Variants in CAMK2G observed in about 807,000 individuals in gnomAD.
CAMK2G encodes calcium/calmodulin dependent protein kinase II gamma.
CAMK2G carries 23 observed loss-of-function variants against 88.7 expected under a neutral mutation model. The observed-to-expected ratio is 0.26, with a 90% confidence interval of 0.19 to 0.37. The LOEUF (loss-of-function observed/expected upper bound fraction) is 0.37, where lower values mean the gene tolerates loss of function less well. CAMK2G is among the 10% of genes least tolerant of loss of function. The probability of loss-of-function intolerance (pLI) is 1.00; values close to 1 mark genes in which losing one functional copy is unlikely to be tolerated. For synonymous variants in CAMK2G, 263 were observed against 294.8 expected (o/e 0.89, Z 1.11); for missense variants, 476 against 780.8 (o/e 0.61, Z 4.65).
At chr10:73,820,483 TATATATA>T (rs2087748916) in intron 18 of CAMK2G, among the ~76,000 whole-genome samples, 1 of 34,918 alleles carries the variant, frequency 2.9e-5, no homozygotes, top group Admixed American at 2.4e-4. Context: ...TATATATATA[TATATATA>T]TATTTTTTTT....
intron 2 of CAMK2G, 70 bp downstream of exon 2, chr10:73,872,919 G>A: frequency 2.1e-6 from 2 of 972,722 alleles, no homozygotes; most frequent in South Asian, 2.5e-5. Context: ...CCAATTCCTG[G>A]GGCTTCCTCA....
At chr10:73,821,752 T>C (rs2088878919) in intron 17 of CAMK2G, 22 bp from the exon 18 acceptor site, 1 of 1,600,086 alleles carries the variant, frequency 6.2e-7, no homozygotes, top group Non-Finnish European at 8.6e-7. Flanking sequence ...AAAGAACATG[T>C]TTCTATATGC....
chr10:73,834,449 C>T (rs1208835553), intron 14 of CAMK2G, among the ~76,000 whole-genome samples: 1 of 152,116 alleles, frequency 6.6e-6, no homozygotes, highest in African/African-American at 2.4e-5. Flanking sequence ...GGGCTAGGTT[C>T]CCCACGCACG....
chr10:73,859,922 A>G (rs1394298195), intron 3 of CAMK2G, among the ~76,000 whole-genome samples: 1 of 152,126 alleles, frequency 6.6e-6, no homozygotes, highest in Non-Finnish European at 1.5e-5. Flanking sequence ...CCAACAGAGC[A>G]GAGCAGGCGA....
At chr10:73,838,952 T>C (rs1239202123) in intron 13 of CAMK2G, among the ~76,000 whole-genome samples, 1 of 152,198 alleles carries the variant, frequency 6.6e-6, no homozygotes, top group Non-Finnish European at 1.5e-5. Flanking sequence ...AGGGTGATCT[T>C]AAGCACCACC....
chr10:73,817,881 G>A (rs970340053), intron 19 of CAMK2G: 2 of 364,090 alleles, frequency 5.5e-6, no homozygotes, highest in African/African-American at 4.0e-5. Context: ...TGAATGCTGT[G>A]AGCCCCTCCC....
At chr10:73,817,440 G>A (rs1216042752) in intron 20 of CAMK2G, 39 bp downstream of exon 20, 2 of 1,363,134 alleles carry the variant, frequency 1.5e-6, no homozygotes, top group South Asian at 1.2e-5. Flanking sequence ...GGCCTTGGGA[G>A]ATGACTTAGG....
intron 5 of CAMK2G, among the ~76,000 whole-genome samples, chr10:73,850,511 G>A (rs1319250546): frequency 6.6e-6 from 1 of 152,208 alleles, no homozygotes; most frequent in East Asian, 1.9e-4. Context: ...GCATTTGGTG[G>A]GCAGAGGCCA....
At chr10:73,870,799 A>T (rs1463376693) in intron 2 of CAMK2G, among the ~76,000 whole-genome samples, 1 of 152,196 alleles carries the variant, frequency 6.6e-6, no homozygotes, top group East Asian at 1.9e-4. Context: ...GTGTAAACTG[A>T]GAGTCTGCAG....
At chr10:73,873,250 G>A in intron 1 of CAMK2G, 167 bp from the exon 2 acceptor site, 3 of 1,070,228 alleles carry the variant, frequency 2.8e-6, no homozygotes, top group Non-Finnish European at 4.0e-6. Flanking sequence ...TGAGGCAAAA[G>A]GACGCGGCCA....
At position 73,842,626 on chromosome 10, in the gene CAMK2G, C is replaced by CAGGGTCA; in HGVS notation, c.820-92_820-86dup. 1.0e-6 allele frequency: 1 copy of CAGGGTCA among 960,426 alleles called. No individual in the cohort carries two copies. The allele number at this position is 960,426 out of a possible 1,614,324, so 59.5% of individuals were successfully genotyped here. ...CCTGGCACCGATACCATGCCCAGGA[C>CAGGGTCA]AGGGTCATGCACTCAGCCACCCCAG... On this transcript the variant is annotated intron_variant, in intron 10 of 22. Coordinates refer to ENST00000423381, the MANE Select transcript of CAMK2G (RefSeq NM_001367534.1). The surrounding 1 kb of genome is among the most constrained non-coding windows in gnomAD (Gnocchi z 4.6).
chr10:73,819,065 G>C (rs2086802456), intron 19 of CAMK2G, among the ~76,000 whole-genome samples: 2 of 152,194 alleles, frequency 1.3e-5, no homozygotes, highest in Non-Finnish European at 2.9e-5. Context: ...CTTGAAGGCA[G>C]TGTAGCTGGG....
Position 73,817,011 on chromosome 10 carries a change from G to C in CAMK2G, c.1534+12C>G, listed in dbSNP as rs754601754. The C allele has an allele frequency of 2.1e-5, 34 of 1,613,820 alleles. No individual in the cohort carries two copies. Among genetic ancestry groups the C allele is most frequent in the Admixed American group, 1.7e-5 (1 of 59,980 alleles). On this transcript the variant is annotated intron_variant, in intron 21 of 22. Coordinates refer to ENST00000423381, the MANE Select transcript of CAMK2G (RefSeq NM_001367534.1). ...GCAGGCAGGAGTATATCAGCAGCAC[G>C]AACCCACTCACGATTCTCAAAGTAA...
At chr10:73,865,476 G>A (rs1042600962) in intron 2 of CAMK2G, among the ~76,000 whole-genome samples, 1 of 152,192 alleles carries the variant, frequency 6.6e-6, no homozygotes, top group Admixed American at 6.5e-5. Context: ...CCACCACCCA[G>A]CCTCTCCAGC....
intron 1 of CAMK2G, 183 bp from the exon 2 acceptor site, chr10:73,873,266 G>A: frequency 8.6e-7 from 1 of 1,162,526 alleles, no homozygotes; most frequent in Non-Finnish European, 1.2e-6. Context: ...GGCCACCGCA[G>A]GACACTGAAC....
chr10:73,874,063 T>G (rs2095977761), intron 1 of CAMK2G, among the ~76,000 whole-genome samples: 2 of 107,074 alleles, frequency 1.9e-5, no homozygotes, highest in African/African-American at 3.7e-5. Flanking sequence ...GGGTGCGGAG[T>G]GAGCAACCGG....
At chr10:73,873,297 G>C in intron 1 of CAMK2G, 4 of 1,284,704 alleles carry the variant, frequency 3.1e-6, no homozygotes, top group South Asian at 1.6e-5. Context: ...GGCGTGCCGC[G>C]CTCCCACCCC....
intron 14 of CAMK2G, among the ~76,000 whole-genome samples, chr10:73,829,700 G>GGTGTGTGTGTGTGTGTGTGTGTGTGTGT (rs60725888): frequency 4.3e-4 from 60 of 138,416 alleles, no homozygotes; most frequent in African/African-American, 1.6e-3. Flanking sequence ...TAAGTAGTGG[G>GGTGTGTGTGTGTGTGTGTGTGTGTGTGT]GTGTGTGTGT....
intron 14 of CAMK2G, among the ~76,000 whole-genome samples, chr10:73,833,600 C>CT (rs60516273): frequency 0.8 from 114,734 of 143,866 alleles, 45,828 homozygotes; most frequent in Admixed American, 0.84. Flanking sequence ...ATCTATCTTC[C>CT]TTTTTTTTTT....
Sources: gnomAD v4.1 joint callset for allele counts (sites outside exome capture counted in the v4.1 genomes callset) on GRCh38, gnomAD v4.1.1 for gene constraint, Gnocchi (gnomAD v3.1) non-coding constraint, MANE v1.5 for transcripts, NCBI Gene and HGNC (gene_info 2026-07-23, HGNC 2026-07-21) for gene names.